Variants in DCLRE1C observed in about 807,000 individuals in gnomAD.
DCLRE1C encodes the protein protein artemis.
In DCLRE1C, 47 loss-of-function variants were observed where a neutral mutation model predicts 61.4. The ratio of observed to expected loss-of-function variants is 0.77; its 90% CI spans 0.61 to 0.98. The LOEUF (loss-of-function observed/expected upper bound fraction) is 0.98, where lower values mean the gene tolerates loss of function less well. Ranked by LOEUF, DCLRE1C falls within the 50% of genes least tolerant of loss-of-function variation. The pLI is 0.00. For missense variants in DCLRE1C, 858 were observed against 816.0 expected (o/e 1.05, Z -0.63); for synonymous variants, 337 against 287.6 (o/e 1.17, Z -1.74).
Position 14,908,897 on chromosome 10 carries a change from A to G in DCLRE1C, c.1590T>C (p.Thr530=), listed in dbSNP as rs1017166380. Residue 530 remains threonine, a synonymous_variant, in exon 14 of 14, where the codon ACT becomes ACC. Transcript: ENST00000378278. ...KLFSDSDGES[T]HISSQNSSQS... is the part of the protein sequence containing the mutation. ...GGGAAGAATTCTGGGAGGAGATGTGAGTTGATTCTCCATCAGAGTCACTGA... is the reference window on the plus strand; with the variant it reads ...GGGAAGAATTCTGGGAGGAGATGTGGGTTGATTCTCCATCAGAGTCACTGA... 3.1e-6 allele frequency: 5 copies of G among 1,614,036 alleles called. No individual in the cohort carries two copies. In the African/African-American group the frequency reaches 5.3e-5, roughly 17 times the overall value.
intron 3 of DCLRE1C, among the ~76,000 whole-genome samples, 195 bp from the exon 4 acceptor site, chr10:14,940,064 T>C (rs1416179464): frequency 6.6e-6 from 1 of 152,218 alleles, no homozygotes; most frequent in Non-Finnish European, 1.5e-5. Flanking sequence ...GAGGCAGATT[T>C]GGTAATACGG....
At chr10:14,911,832 A>G (rs1326966714) in intron 13 of DCLRE1C, among the ~76,000 whole-genome samples, 1 of 152,254 alleles carries the variant, frequency 6.6e-6, no homozygotes, top group African/African-American at 2.4e-5. Flanking sequence ...ATGGCCAATA[A>G]GCACATGAAA....
At position 14,948,736 on chromosome 10, in the gene DCLRE1C, T is replaced by C. The variant is rs1842035290; in HGVS notation, c.161+300A>G. ...GTTTTTTTTGTTGCTGTCGTTGTTGTTGTTGTTGTTTTTAGAGAGTGTATT... is the reference window on the plus strand; with the variant it reads ...GTTTTTTTTGTTGCTGTCGTTGTTGCTGTTGTTGTTTTTAGAGAGTGTATT... On this transcript the variant is annotated intron_variant, in intron 2 of 13. Coordinates refer to ENST00000378278, the MANE Select transcript of DCLRE1C (RefSeq NM_001033855.3). Among the ~76,000 whole-genome samples the C allele has an allele frequency of 2.0e-5, 3 of 151,086 alleles. No individual in the cohort carries two copies. In the South Asian group the frequency reaches 6.3e-4, roughly 31 times the overall value.
At chr10:14,899,714 C>T (rs773785311), downstream of DCLRE1C, 27 of 1,610,444 alleles carry the variant, frequency 1.7e-5, 1 homozygote, top group South Asian at 2.4e-4. Context: ...ATTTTAGACA[C>T]GACTAACAAT....
Position 14,906,868 on chromosome 10 carries a change from T to G in DCLRE1C, c.*1540A>C, listed in dbSNP as rs1390387360. Among the ~76,000 whole-genome samples the G allele has an allele frequency of 1.3e-5, 2 of 152,162 alleles. No individual in the cohort carries two copies. Among genetic ancestry groups the G allele is most frequent in the African/African-American group, 4.8e-5 (2 of 41,430 alleles). ...TGAATGACTCACAGAATAACACATA[T>G]ACTTTAGTTTTTTTTAATTTATTTT... On this transcript the variant is annotated 3_prime_UTR_variant, in exon 14 of 14. Transcript: ENST00000378278.
chr10:14,912,331 T>C (rs1835392939), intron 13 of DCLRE1C, among the ~76,000 whole-genome samples: 1 of 151,954 alleles, frequency 6.6e-6, no homozygotes, highest in Non-Finnish European at 1.5e-5. Flanking sequence ...GCTGGGATTA[T>C]AGGCGTGAGC....
intron 12 of DCLRE1C, among the ~76,000 whole-genome samples, chr10:14,921,871 C>G (rs766084553): frequency 2.6e-5 from 4 of 152,206 alleles, no homozygotes; most frequent in Non-Finnish European, 5.9e-5. Context: ...CTCACCTGCA[C>G]TGCCAACTCC....
chr10:14,934,828 T>C, intron 6 of DCLRE1C, 53 bp from the exon 7 acceptor site: 1 of 1,406,800 alleles, frequency 7.1e-7, no homozygotes, highest in South Asian at 1.2e-5. Context: ...AAATTATGTG[T>C]AACTTTTTTT....
intron 11 of DCLRE1C, 191 bp from the exon 12 acceptor site, chr10:14,923,260 A>T (rs563582229): frequency 1.7e-6 from 1 of 591,076 alleles, no homozygotes; most frequent in South Asian, 1.9e-5. Context: ...ACTCCCAAAG[A>T]TCTCCTGAAC....
chr10:14,933,143 G>A (rs1414080740), intron 8 of DCLRE1C, among the ~76,000 whole-genome samples, 188 bp from the exon 9 acceptor site: 1 of 152,202 alleles, frequency 6.6e-6, no homozygotes, highest in Non-Finnish European at 1.5e-5. Flanking sequence ...AGGCTGACTG[G>A]CCAGGATCGC....
chr10:14,936,343 T>A (rs535733998), intron 5 of DCLRE1C, among the ~76,000 whole-genome samples, 195 bp downstream of exon 5: 3,835 of 143,368 alleles, frequency 0.027, 73 homozygotes, highest in Middle Eastern at 0.043. Context: ...TTTTTTTTTT[T>A]AAAAAAAAAA....
At position 14,936,896 on chromosome 10, in the gene DCLRE1C, G is replaced by A. The variant is rs112989303; in HGVS notation, c.307-303C>T. Among the ~76,000 whole-genome samples the A allele has an allele frequency of 7.7e-3, 1,171 of 152,286 alleles. 16 individuals carry two copies. Among genetic ancestry groups the A allele is most frequent in the East Asian group, 0.062 (323 of 5,184 alleles). On this transcript the variant is annotated intron_variant, in intron 4 of 13. Transcript: ENST00000378278. ...CATTCTTCATACTAGCCAAAAGGTG[G>A]AACCAGTTCAAATGTCTATCAGCTG...
rs117332771 is a variant in DCLRE1C at position 14,938,118 on chromosome 10, C to T, written c.307-1525G>A. Among the ~76,000 whole-genome samples, 235 of 152,106 alleles carry T rather than the reference C, an allele frequency of 1.5e-3. 11 individuals carry two copies. The East Asian group carries it at 0.041, about 26-fold the overall frequency. Reference sequence around the variant, plus strand: ...GGAGGACCCTTTCGAGTGGGTCTCCCCCTGGTTGGAGCTGGATAAACAATG... The same window carrying T: ...GGAGGACCCTTTCGAGTGGGTCTCCTCCTGGTTGGAGCTGGATAAACAATG... On this transcript the variant is annotated intron_variant, in intron 4 of 13. Transcript: ENST00000378278.
At chr10:14,934,272 G>A in intron 8 of DCLRE1C, 108 bp downstream of exon 8, 1 of 1,490,618 alleles carries the variant, frequency 6.7e-7, no homozygotes, top group Non-Finnish European at 9.0e-7. Flanking sequence ...AGGCTGCAGT[G>A]AGCCGAGGTC....
At position 14,904,899 on chromosome 10, in the gene DCLRE1C, A is replaced by T. The variant is rs1834265763; in HGVS notation, c.*3509T>A. ...TTATATTGATACCATCATTTTCAGG[A>T]TCTACATTAAGAGGATGGTGATACA... On this transcript the variant is annotated 3_prime_UTR_variant, in exon 14 of 14. Coordinates refer to ENST00000378278, the MANE Select transcript of DCLRE1C (RefSeq NM_001033855.3). Among the ~76,000 whole-genome samples, 1 of 152,224 alleles carries T rather than the reference A, an allele frequency of 6.6e-6. No homozygotes were observed. The highest frequency in any genetic ancestry group is 2.1e-4 in the South Asian group (1 of 4,832).
chr10:14,938,623 A>T (rs1294790200), intron 4 of DCLRE1C, among the ~76,000 whole-genome samples: 1 of 152,212 alleles, frequency 6.6e-6, no homozygotes, highest in African/African-American at 2.4e-5. Flanking sequence ...CTATAGTCCT[A>T]CTTATTAAAA....
In DCLRE1C at chr10:14,908,868, G is replaced by A; in HGVS notation, c.1619C>T (p.Ser540Leu). ...THISSQNSSQSTHITEQGSQG... is the reference protein window; with the variant it reads ...THISSQNSSQLTHITEQGSQG... ...ACTTCCTTGTTCTGTTATGTGTGTT[G>A]ACTGGGAAGAATTCTGGGAGGAGAT... Residue 540 changes from serine (S) to leucine (L), a missense_variant, in exon 14 of 14, where the codon TCA becomes TTA. By Grantham distance (145) the Ser-to-Leu change is moderately radical. Transcript: ENST00000378278. The A allele has an allele frequency of 1.2e-6, 2 of 1,614,128 alleles. No individual in the cohort carries two copies. Among genetic ancestry groups the A allele is most frequent in the East Asian group, 2.2e-5 (1 of 44,874 alleles).
At chr10:14,926,194 T>A (rs1365320659) in intron 11 of DCLRE1C, among the ~76,000 whole-genome samples, 1 of 152,152 alleles carries the variant, frequency 6.6e-6, no homozygotes, top group Non-Finnish European at 1.5e-5. Context: ...GAGTAAGAGC[T>A]GAAAGAAGGC....
At chr10:14,924,272 C>T (rs1175356240) in intron 11 of DCLRE1C, among the ~76,000 whole-genome samples, 7 of 152,200 alleles carry the variant, frequency 4.6e-5, no homozygotes, top group African/African-American at 1.2e-4. Flanking sequence ...ACATAGACTG[C>T]CTCTCCCAAT....
Sources: allele counts gnomAD v4.1 joint callset (sites outside exome capture counted in the v4.1 genomes callset), GRCh38; gene constraint gnomAD v4.1.1; transcripts MANE v1.5; gene names NCBI Gene and HGNC (gene_info 2026-07-23, HGNC 2026-07-21).